SOX5: variants seen among roughly 807,000 people sequenced by gnomAD.
The protein encoded by SOX5 is transcription factor SOX-5.
In SOX5, 9 loss-of-function variants were observed where a neutral mutation model predicts 92.0. That is an observed-to-expected ratio of 0.10 (90% CI 0.06 to 0.17). The LOEUF (loss-of-function observed/expected upper bound fraction) is 0.17. SOX5 is among the 10% of genes least tolerant of loss of function. The pLI is 1.00. For missense variants in SOX5, 642 were observed against 944.5 expected, an observed-to-expected ratio of 0.68 and a Z score of 4.20; for synonymous variants, 344 against 336.3, an observed-to-expected ratio of 1.02 and a Z score of -0.25.
intron 3 of SOX5, among the ~76,000 whole-genome samples, chr12:24,221,461 T>G (rs1960413152): frequency 6.6e-6 from 1 of 152,262 alleles, no homozygotes; most frequent in Non-Finnish European, 1.5e-5. Context: ...TGAGAACATG[T>G]GTAAATTCTT....
At chr12:24,170,995 T>C (rs1954018334) in intron 4 of SOX5, among the ~76,000 whole-genome samples, 1 of 152,180 alleles carries the variant, frequency 6.6e-6, no homozygotes, top group Non-Finnish European at 1.5e-5. Context: ...CTAGCTCTTC[T>C]TGCTCTAGTG....
At chr12:23,711,766 C>T (rs1049868380) in intron 6 of SOX5, among the ~76,000 whole-genome samples, 2 of 152,112 alleles carry the variant, frequency 1.3e-5, no homozygotes, top group African/African-American at 4.8e-5. Flanking sequence ...ATTATCCTAA[C>T]ACAATATAAC....
chr12:23,612,085 G>A (rs1468260947), intron 8 of SOX5, among the ~76,000 whole-genome samples: 1 of 151,900 alleles, frequency 6.6e-6, no homozygotes, highest in Non-Finnish European at 1.5e-5. Flanking sequence ...TACTATTTTT[G>A]TGAAATTGTT....
intron 4 of SOX5, among the ~76,000 whole-genome samples, chr12:24,142,568 A>G (rs1950690656): frequency 6.6e-6 from 1 of 152,294 alleles, no homozygotes; most frequent in Middle Eastern, 3.4e-3. Flanking sequence ...ATGGAGTAAC[A>G]GGGACTGGAT....
At chr12:24,482,841 T>C (rs988765112) in intron 1 of SOX5, among the ~76,000 whole-genome samples, 10 of 152,220 alleles carry the variant, frequency 6.6e-5, no homozygotes, top group African/African-American at 1.7e-4. Flanking sequence ...AATAAAAGAT[T>C]GTTCTAAATT....
At chr12:23,644,428 A>T (rs1042074068) in intron 7 of SOX5, among the ~76,000 whole-genome samples, 5 of 152,174 alleles carry the variant, frequency 3.3e-5, no homozygotes, top group African/African-American at 1.2e-4. Flanking sequence ...TTTTAGGCTA[A>T]TTTATTGAAG....
chr12:24,302,568 T>C (rs559574979), intron 2 of SOX5, among the ~76,000 whole-genome samples: 2 of 151,842 alleles, frequency 1.3e-5, no homozygotes, highest in Admixed American at 1.3e-4. Flanking sequence ...TTTTTTTTTT[T>C]CCCTAAGCAT....
At chr12:24,061,148 T>C (rs899197278) in intron 4 of SOX5, among the ~76,000 whole-genome samples, 7 of 151,950 alleles carry the variant, frequency 4.6e-5, no homozygotes, top group South Asian at 2.1e-4. Context: ...TTGTCAAGTT[T>C]CCACACAAAA....
At chr12:23,858,590 G>C (rs899462263) in intron 2 of SOX5, among the ~76,000 whole-genome samples, 1 of 152,178 alleles carries the variant, frequency 6.6e-6, no homozygotes, top group African/African-American at 2.4e-5. Context: ...CTTATACACT[G>C]TTGGTGGGAG....
rs192726069 is a variant in SOX5 at position 23,896,615 on chromosome 12, A to G, written c.39-591T>C. On this transcript the variant is annotated intron_variant, in intron 1 of 14. Coordinates refer to ENST00000451604, the MANE Select transcript of SOX5 (RefSeq NM_006940.6). The stretch of plus-strand genomic sequence containing the variant: ...TATTAAGGATTGAATAAATTTTACA[A>G]TCACTGTTAATCTTAAAACATTTGA... Among the ~76,000 whole-genome samples, 125 of 152,134 alleles carry G rather than the reference A, an allele frequency of 8.2e-4. 3 individuals carry two copies. Among genetic ancestry groups the G allele is most frequent in the Non-Finnish European group, 7.5e-4 (51 of 67,954 alleles).
chr12:23,558,663 C>T (rs923831568), intron 11 of SOX5, among the ~76,000 whole-genome samples: 3 of 152,186 alleles, frequency 2.0e-5, no homozygotes, highest in East Asian at 1.9e-4. Flanking sequence ...AGTGCAATGG[C>T]GTGATCCTGG....
intron 7 of SOX5, among the ~76,000 whole-genome samples, chr12:23,662,338 C>A (rs2083180484): frequency 6.6e-6 from 1 of 152,100 alleles, no homozygotes; most frequent in South Asian, 2.1e-4. Context: ...GAATGCCAAA[C>A]AGAATCTGGG....
chr12:24,443,189 C>T (rs913364254), intron 1 of SOX5, among the ~76,000 whole-genome samples: 2 of 152,106 alleles, frequency 1.3e-5, no homozygotes, highest in African/African-American at 4.8e-5. Flanking sequence ...TGAGCTCAGG[C>T]AATCTGCCCC....
chr12:23,571,375 G>A (rs938103127), intron 10 of SOX5, among the ~76,000 whole-genome samples: 3 of 151,970 alleles, frequency 2.0e-5, no homozygotes, highest in Admixed American at 6.6e-5. Flanking sequence ...ATGCCTCTGA[G>A]GAATGAAGGC....
rs1941948525 is a variant in SOX5 at position 23,933,740 on chromosome 12, CA to C, written c.38+15823del. Among the ~76,000 whole-genome samples, 5 of 151,486 alleles carry C rather than the reference CA, an allele frequency of 3.3e-5. No homozygotes were observed. The South Asian group carries it at 1.0e-3, about 31-fold the overall frequency. ...CCAGGATGCTCTTCAGGTACTTGAG[CA>C]GATCCAAAAGTGTTTCCTGAGGAAA... On this transcript the variant is annotated intron_variant, in intron 1 of 14. Coordinates refer to ENST00000451604, the MANE Select transcript of SOX5 (RefSeq NM_006940.6).
intron 7 of SOX5, among the ~76,000 whole-genome samples, chr12:23,654,264 A>C (rs1202441549): frequency 2.6e-5 from 4 of 152,076 alleles, no homozygotes; most frequent in African/African-American, 9.7e-5. Flanking sequence ...TTCATATAAC[A>C]ATAATTCTTT....
chr12:23,890,646 G>A (rs909640232), intron 2 of SOX5, among the ~76,000 whole-genome samples: 1 of 152,014 alleles, frequency 6.6e-6, no homozygotes, highest in Non-Finnish European at 1.5e-5. Context: ...CCCTTCTGGT[G>A]CCCACAAATA....
chr12:23,988,437 A>G (rs568027623), intron 4 of SOX5, among the ~76,000 whole-genome samples: 14 of 152,322 alleles, frequency 9.2e-5, no homozygotes, highest in African/African-American at 3.4e-4. Flanking sequence ...TTGGGATTTG[A>G]GGAAATTAAT....
intron 3 of SOX5, among the ~76,000 whole-genome samples, chr12:23,783,080 T>C (rs935523400): frequency 1.3e-5 from 2 of 152,186 alleles, no homozygotes; most frequent in Non-Finnish European, 2.9e-5. Context: ...ATCATAGTCA[T>C]TGTCTCTTAT....
Sources: gnomAD v4.1 joint callset for allele counts (sites outside exome capture counted in the v4.1 genomes callset) on GRCh38, gnomAD v4.1.1 for gene constraint, MANE v1.5 for transcripts, NCBI Gene and HGNC (gene_info 2026-07-23, HGNC 2026-07-21) for gene names.